ATG5: variants seen among roughly 807,000 people sequenced by gnomAD.
The protein encoded by ATG5 is autophagy related 5.
In ATG5, 14 loss-of-function variants were observed where a neutral mutation model predicts 36.5. The ratio of observed to expected loss-of-function variants is 0.38; its 90% CI spans 0.25 to 0.60. ATG5 has a LOEUF of 0.60. Ranked by LOEUF, ATG5 falls within the 20% of genes least tolerant of loss-of-function variation. The pLI is 0.60. For missense variants in ATG5, 195 were observed against 326.7 expected (o/e 0.60, Z 3.11); for synonymous variants, 95 against 101.5 (o/e 0.94, Z 0.38).
At chr6:106,198,287 G>A (rs1263220835) in intron 7 of ATG5, among the ~76,000 whole-genome samples, 2 of 152,146 alleles carry the variant, frequency 1.3e-5, no homozygotes, top group Non-Finnish European at 2.9e-5. Flanking sequence ...AGGGGAACCA[G>A]GTTAGAGTTT....
chr6:106,198,316 A>G (rs532512885), intron 7 of ATG5, among the ~76,000 whole-genome samples: 3 of 152,330 alleles, frequency 2.0e-5, no homozygotes, highest in South Asian at 2.1e-4. Context: ...GGTAGTTAGG[A>G]AAGAGACTTT....
chr6:106,226,443 A>G (rs1352117359), intron 6 of ATG5, among the ~76,000 whole-genome samples: 3 of 152,208 alleles, frequency 2.0e-5, no homozygotes, highest in African/African-American at 4.8e-5. Context: ...AACTGGGGGG[A>G]AAAAGCAGCA....
chr6:106,244,662 T>C (rs1778260856), intron 6 of ATG5, among the ~76,000 whole-genome samples: 1 of 152,246 alleles, frequency 6.6e-6, no homozygotes, highest in Non-Finnish European at 1.5e-5. Context: ...GTTATATTTG[T>C]ATTCTTAGTT....
At chr6:106,214,202 A>C (rs1034310416) in intron 6 of ATG5, among the ~76,000 whole-genome samples, 1 of 152,214 alleles carries the variant, frequency 6.6e-6, no homozygotes, top group Non-Finnish European at 1.5e-5. Flanking sequence ...AATTAGCTTA[A>C]GAATGTACAC....
At chr6:106,284,820 A>G (rs1009417264) in intron 4 of ATG5, among the ~76,000 whole-genome samples, 1 of 151,418 alleles carries the variant, frequency 6.6e-6, no homozygotes, top group African/African-American at 2.4e-5. Flanking sequence ...AGAAATGTCT[A>G]TTCGAATCCT....
intron 5 of ATG5, among the ~76,000 whole-genome samples, chr6:106,277,925 C>T (rs987450802): frequency 1.3e-5 from 2 of 152,076 alleles, no homozygotes; most frequent in Non-Finnish European, 2.9e-5. Flanking sequence ...ACACTGAGAA[C>T]TGTTTTATTT....
chr6:106,222,193 A>C (rs1777279013), intron 6 of ATG5, among the ~76,000 whole-genome samples: 1 of 152,180 alleles, frequency 6.6e-6, no homozygotes. Flanking sequence ...TATTATAACC[A>C]AGAATTTATT....
At chr6:106,309,408 T>C (rs1192381543) in intron 2 of ATG5, among the ~76,000 whole-genome samples, 1 of 152,130 alleles carries the variant, frequency 6.6e-6, no homozygotes, top group Non-Finnish European at 1.5e-5. Context: ...GAACGTGACA[T>C]TGATCCTAGG....
intron 7 of ATG5, among the ~76,000 whole-genome samples, chr6:106,191,074 T>C (rs532876343): frequency 3.9e-5 from 6 of 152,312 alleles, no homozygotes; most frequent in African/African-American, 9.6e-5. Flanking sequence ...GATGCCTATA[T>C]AGATGTATGG....
intron 1 of ATG5, among the ~76,000 whole-genome samples, chr6:106,324,384 G>C (rs1474150192): frequency 6.6e-6 from 1 of 152,168 alleles, no homozygotes; most frequent in African/African-American, 2.4e-5. Context: ...TCAGGGACTT[G>C]AGCATTTGAG....
At chr6:106,200,665 A>G (rs1012126543) in intron 7 of ATG5, among the ~76,000 whole-genome samples, 12 of 152,094 alleles carry the variant, frequency 7.9e-5, no homozygotes, top group African/African-American at 2.9e-4. Flanking sequence ...GTTTTTTAGT[A>G]GAGACAGGGT....
intron 6 of ATG5, among the ~76,000 whole-genome samples, chr6:106,229,279 G>T (rs185898982): frequency 6.6e-6 from 1 of 152,154 alleles, no homozygotes; most frequent in Non-Finnish European, 1.5e-5. Context: ...CCTGATTTAG[G>T]TATACAGCTC....
intron 7 of ATG5, among the ~76,000 whole-genome samples, chr6:106,197,791 T>A (rs978436730): frequency 8.5e-5 from 13 of 152,124 alleles, no homozygotes; most frequent in Admixed American, 3.3e-4. Flanking sequence ...AAATAAACCT[T>A]TTTTCTTTAT....
intron 1 of ATG5, among the ~76,000 whole-genome samples, chr6:106,317,883 T>C (rs1022818797): frequency 1.3e-5 from 2 of 152,196 alleles, no homozygotes; most frequent in Non-Finnish European, 2.9e-5. Flanking sequence ...ATCTAGGTTA[T>C]GACAAATAAG....
chr6:106,303,512 G>A (rs565215698), intron 3 of ATG5, among the ~76,000 whole-genome samples: 4 of 152,112 alleles, frequency 2.6e-5, no homozygotes, highest in East Asian at 1.9e-4. Context: ...ATTTTTACAC[G>A]ACCTTTTCCA....
At chr6:106,205,436 T>C (rs1177415701) in intron 6 of ATG5, among the ~76,000 whole-genome samples, 2 of 152,176 alleles carry the variant, frequency 1.3e-5, no homozygotes, top group East Asian at 3.8e-4. Context: ...CACAAAGAAA[T>C]AATAAATGCT....
chr6:106,287,704 C>T (rs1413948665), intron 4 of ATG5, among the ~76,000 whole-genome samples: 2 of 152,122 alleles, frequency 1.3e-5, no homozygotes, highest in African/African-American at 4.8e-5. Context: ...CTATTTTCAC[C>T]TGATGTCATT....
rs563313476 is a variant in ATG5, at chr6:106,223,536, C to T, written c.574-21447G>A. Reference sequence around the variant, plus strand: ...CTGCCCCCTACAGGACTCAATTTACCTATTTCTTTTAAAAGGTGTGTAAGT... The same window carrying T: ...CTGCCCCCTACAGGACTCAATTTACTTATTTCTTTTAAAAGGTGTGTAAGT... On this transcript the variant is annotated intron_variant, in intron 6 of 7. Transcript: ENST00000369076. Among the ~76,000 whole-genome samples the T allele has an allele frequency of 4.6e-5, 7 of 152,236 alleles. No individual in the cohort carries two copies. In the South Asian group the frequency reaches 1.5e-3, roughly 32 times the overall value.
intron 3 of ATG5, among the ~76,000 whole-genome samples, chr6:106,297,565 G>A (rs1479122669): frequency 6.6e-6 from 1 of 152,042 alleles, no homozygotes; most frequent in Non-Finnish European, 1.5e-5. Flanking sequence ...GCATTCAGGG[G>A]ATGTTGACCA....
Sources: allele counts gnomAD v4.1 joint callset (sites outside exome capture counted in the v4.1 genomes callset), GRCh38; gene constraint gnomAD v4.1.1; transcripts MANE v1.5; gene names NCBI Gene and HGNC (gene_info 2026-07-23, HGNC 2026-07-21).